DDX46: variants seen among roughly 807,000 people sequenced by gnomAD.
DDX46 encodes probable ATP-dependent RNA helicase DDX46.
In DDX46, 30 loss-of-function variants were observed where a neutral mutation model predicts 134.9. The ratio of observed to expected loss-of-function variants is 0.22; its 90% CI spans 0.17 to 0.30. DDX46 has a LOEUF of 0.30. Among genes scored for constraint, DDX46 ranks in the 10% least tolerant of loss-of-function variants. The pLI is 1.00. For missense variants in DDX46, 622 were observed against 1,248.7 expected (o/e 0.50, Z 7.56); for synonymous variants, 415 against 404.1 (o/e 1.03, Z -0.32).
intron 3 of DDX46, among the ~76,000 whole-genome samples, chr5:134,770,672 T>C (rs188629350): frequency 1.3e-5 from 2 of 152,064 alleles, no homozygotes; most frequent in Admixed American, 6.6e-5. Flanking sequence ...ATTATATGAG[T>C]GTGGTGGCTG....
intron 18 of DDX46, 76 bp downstream of exon 18, chr5:134,811,921 A>G: frequency 1.3e-6 from 2 of 1,512,872 alleles, no homozygotes; most frequent in Non-Finnish European, 1.8e-6. Flanking sequence ...ATATATGGTT[A>G]TCAAGATAGA....
At chr5:134,796,209 C>T (rs887508143) in intron 15 of DDX46, 59 bp downstream of exon 15, 49 of 1,563,824 alleles carry the variant, frequency 3.1e-5, no homozygotes, top group Non-Finnish European at 4.3e-5. Context: ...AAGCATTGTG[C>T]TGTGTTCTCG....
chr5:134,810,206 C>T (rs1022509873), intron 16 of DDX46, among the ~76,000 whole-genome samples: 71 of 150,194 alleles, frequency 4.7e-4, no homozygotes, highest in African/African-American at 1.5e-3. Context: ...AGCCATTGTA[C>T]CCAGCAAGGT....
intron 15 of DDX46, among the ~76,000 whole-genome samples, chr5:134,803,565 T>G (rs989369262): frequency 4.6e-5 from 7 of 152,190 alleles, no homozygotes; most frequent in Non-Finnish European, 8.8e-5. Flanking sequence ...GCAAAGAGTT[T>G]GAAATAAATA....
chr5:134,801,279 GA>G (rs924545108), intron 15 of DDX46, among the ~76,000 whole-genome samples: 3 of 150,838 alleles, frequency 2.0e-5, no homozygotes, highest in East Asian at 1.9e-4. Flanking sequence ...TGTCTCAAAT[GA>G]AAAAAAAAGT....
chr5:134,805,565 G>C (rs926011199), intron 15 of DDX46, among the ~76,000 whole-genome samples: 7 of 147,154 alleles, frequency 4.8e-5, no homozygotes. Context: ...TTTTACTCTT[G>C]TTATCCAGGC....
At position 134,782,873 on chromosome 5, in the gene DDX46, T is replaced by A; in HGVS notation, c.1046-72T>A. On this transcript the variant is annotated intron_variant, in intron 8 of 22. Coordinates refer to ENST00000452510, the MANE Select transcript of DDX46 (RefSeq NM_001300860.2). ...TAAGAGTTAAAGTTTGTTAATCTTA[T>A]GCCTAATTGAAAAGTAGAAGACACC... is the stretch of plus-strand genomic sequence containing the variant. 1.9e-6 allele frequency: 3 copies of A among 1,559,832 alleles called. No individual in the cohort carries two copies. The South Asian group carries it at 3.6e-5, about 18-fold the overall frequency.
intron 15 of DDX46, among the ~76,000 whole-genome samples, chr5:134,801,234 C>T (rs1254915674): frequency 6.6e-6 from 1 of 151,932 alleles, no homozygotes; most frequent in African/African-American, 2.4e-5. Context: ...GAGATTATGC[C>T]ACTGTACTCC....
chr5:134,782,653 A>G (rs1754191595), intron 8 of DDX46, among the ~76,000 whole-genome samples: 1 of 151,534 alleles, frequency 6.6e-6, no homozygotes, highest in Non-Finnish European at 1.5e-5. Flanking sequence ...TGATCTTCCT[A>G]TGTCAGCCTC....
At position 134,828,933 on chromosome 5, in the gene DDX46, T is replaced by C. The variant is rs115078262; in HGVS notation, c.*227T>C. 8.8e-3 allele frequency: 3,026 copies of C among 342,502 alleles called. 28 individuals are homozygous for C. Among genetic ancestry groups the C allele is most frequent in the Non-Finnish European group, 0.012 (2,358 of 191,066 alleles). 21.2% of individuals were successfully genotyped at this position (342,502 alleles called of 1,614,324 possible). On this transcript the variant is annotated 3_prime_UTR_variant, in exon 23 of 23. Coordinates refer to ENST00000452510, the MANE Select transcript of DDX46 (RefSeq NM_001300860.2). ...GTTTTCAGAGTATGATGTCCTTTAA[T>C]GTAAACTCAAATATCAATATTTTAA... is the stretch of plus-strand genomic sequence containing the variant.
rs1467929631 is a variant in DDX46 at position 134,775,373 on chromosome 5, T to C, written c.613+1512T>C. Among the ~76,000 whole-genome samples, 5 of 152,310 alleles carry C rather than the reference T, an allele frequency of 3.3e-5. No homozygotes were observed. The East Asian group carries it at 9.6e-4, about 29-fold the overall frequency. On this transcript the variant is annotated intron_variant, in intron 5 of 22. Coordinates refer to ENST00000452510, the MANE Select transcript of DDX46 (RefSeq NM_001300860.2). ...AGGAAAATGGGATTTTGGTCCATTG[T>C]CTGTGAAAGTTCCAAAGAATGGTTT...
chr5:134,823,868 C>T (rs913990986), intron 21 of DDX46, among the ~76,000 whole-genome samples: 1 of 152,182 alleles, frequency 6.6e-6, no homozygotes, highest in Non-Finnish European at 1.5e-5. Context: ...CTTTGGTGTA[C>T]ATGGAGTCAG....
chr5:134,823,201 G>A lies in DDX46; in HGVS notation c.2978-3746G>A, dbSNP rs183823742. Among the ~76,000 whole-genome samples, 439 of 130,152 alleles carry A rather than the reference G, an allele frequency of 3.4e-3. 2 individuals carry two copies. The highest frequency in any genetic ancestry group is 0.012 in the African/African-American group (416 of 33,970). 85.4% of individuals were successfully genotyped at this position (130,152 alleles called of 152,430 possible). On this transcript the variant is annotated intron_variant, in intron 21 of 22. Transcript: ENST00000452510. ...TTTTGACATGGAGTCTCGCTCTGTCGCCAGGCTGGAGTGCAATGGTGCAAT... is the reference window on the plus strand; with the variant it reads ...TTTTGACATGGAGTCTCGCTCTGTCACCAGGCTGGAGTGCAATGGTGCAAT...
At chr5:134,776,553 G>A (rs1030806436) in intron 5 of DDX46, among the ~76,000 whole-genome samples, 9 of 152,098 alleles carry the variant, frequency 5.9e-5, no homozygotes, top group Non-Finnish European at 7.4e-5. Flanking sequence ...TGGCAAAGGT[G>A]GAAGAAAATT....
intron 15 of DDX46, among the ~76,000 whole-genome samples, chr5:134,797,544 C>A (rs1216721699): frequency 6.6e-6 from 1 of 152,150 alleles, no homozygotes; most frequent in Non-Finnish European, 1.5e-5. Flanking sequence ...AAGAAGCTGC[C>A]CAGCCAGTTA....
intron 20 of DDX46, among the ~76,000 whole-genome samples, chr5:134,818,565 G>A (rs541192110): frequency 2.1e-4 from 32 of 151,816 alleles, no homozygotes; most frequent in Non-Finnish European, 1.0e-4. Flanking sequence ...AGCTGGGCAT[G>A]GTGGCGCATG....
At chr5:134,777,873 C>A in intron 6 of DDX46, 148 bp downstream of exon 6, 3 of 839,802 alleles carry the variant, frequency 3.6e-6, no homozygotes, top group South Asian at 2.3e-5. Flanking sequence ...TTTCTGAGTA[C>A]CAGAGATACT....
chr5:134,766,203 G>A (rs550635935), intron 2 of DDX46, among the ~76,000 whole-genome samples: 1 of 152,208 alleles, frequency 6.6e-6, no homozygotes, highest in East Asian at 1.9e-4. Context: ...TTAGACCATC[G>A]ATTTTCAATC....
At chr5:134,817,105 C>T (rs1384279926) in intron 19 of DDX46, 2 of 188,820 alleles carry the variant, frequency 1.1e-5, no homozygotes, top group Non-Finnish European at 2.1e-5. Flanking sequence ...TGGGTTGGGT[C>T]ATAGAGATGA....
Sources: allele counts gnomAD v4.1 joint callset (sites outside exome capture counted in the v4.1 genomes callset), GRCh38; gene constraint gnomAD v4.1.1; transcripts MANE v1.5; gene names NCBI Gene and HGNC (gene_info 2026-07-23, HGNC 2026-07-21).